The following TENM2 variants were observed in gnomAD, a reference collection of about 807,000 sequenced individuals.
TENM2 encodes teneurin-2.
TENM2 carries 52 observed loss-of-function variants against 245.2 expected under a neutral mutation model. The observed-to-expected ratio is 0.21, with a 90% confidence interval of 0.17 to 0.27. The LOEUF is 0.27. Among genes scored for constraint, TENM2 ranks in the 10% least tolerant of loss-of-function variants. TENM2 has a pLI of 1.00. For synonymous variants in TENM2, 1,363 were observed against 1,438.9 expected (o/e 0.95, Z 1.19); for missense variants, 3,046 against 3,666.8 (o/e 0.83, Z 4.37).
At chr5:167,078,161 C>T in the TENM2 span, among the ~76,000 whole-genome samples, 1 of 151,958 alleles carries the variant, frequency 6.6e-6, no homozygotes, top group Non-Finnish European at 1.5e-5. Flanking sequence ...GCATACCATA[C>T]TCAGGTCAAT....
rs146870236 is a variant in TENM2 at position 168,185,553 on chromosome 5, T to A, written c.2570-4784T>A. Among the ~76,000 whole-genome samples, 189 of 152,194 alleles carry A rather than the reference T, an allele frequency of 1.2e-3. 2 individuals carry two copies. The highest frequency in any genetic ancestry group is 4.3e-3 in the African/African-American group (180 of 41,528). ...CCCATGGTCAACAGCTAGGTAATAG[T>A]CAATCTGAGATTCAAACCCAGATAC... is the stretch of plus-strand genomic sequence containing the variant. On this transcript the variant is annotated intron_variant, in intron 13 of 28. Transcript: ENST00000518659.
intron 5 of TENM2, among the ~76,000 whole-genome samples, chr5:168,011,102 T>C (rs1785185041): frequency 6.6e-6 from 1 of 152,242 alleles, no homozygotes; most frequent in South Asian, 2.1e-4. Context: ...GCAGTCCGGA[T>C]AGAGTAATAA....
At chr5:168,139,724 C>T (rs1562206385) in intron 12 of TENM2, among the ~76,000 whole-genome samples, 1 of 152,166 alleles carries the variant, frequency 6.6e-6, no homozygotes, top group African/African-American at 2.4e-5. Flanking sequence ...AAAGTGGGTG[C>T]ATTCAACAGG....
the TENM2 span, among the ~76,000 whole-genome samples, chr5:167,003,684 G>A: frequency 6.6e-6 from 1 of 152,246 alleles, no homozygotes; most frequent in African/African-American, 2.4e-5. Flanking sequence ...ATTTGAAGAT[G>A]TGTATAATTA....
At chr5:167,688,098 G>T (rs1337388345) in intron 2 of TENM2, among the ~76,000 whole-genome samples, 2 of 152,120 alleles carry the variant, frequency 1.3e-5, no homozygotes, top group Non-Finnish European at 2.9e-5. Flanking sequence ...CTGAGGGAGG[G>T]ATCAGTCAAG....
intron 3 of TENM2, among the ~76,000 whole-genome samples, chr5:167,878,458 A>G (rs1026157990): frequency 2.0e-5 from 3 of 152,140 alleles, no homozygotes; most frequent in Non-Finnish European, 2.9e-5. Context: ...TTCAGCAGGT[A>G]CTTATTATCA....
intron 12 of TENM2, among the ~76,000 whole-genome samples, chr5:168,158,807 A>ATG (rs371329253): frequency 0.011 from 922 of 80,390 alleles, 21 homozygotes; most frequent in African/African-American, 0.035. Context: ...TAAAAAAAAA[A>ATG]TGTGTGTGTG....
intron 5 of TENM2, among the ~76,000 whole-genome samples, chr5:168,033,453 AT>A (rs926512057): frequency 2.0e-5 from 3 of 151,198 alleles, no homozygotes; most frequent in South Asian, 2.1e-4. Context: ...CTCAAAGGTG[AT>A]TTTTTTTTAA....
At chr5:167,614,993 G>A (rs1777702028) in intron 2 of TENM2, among the ~76,000 whole-genome samples, 2 of 152,210 alleles carry the variant, frequency 1.3e-5, no homozygotes, top group South Asian at 4.1e-4. Context: ...ATCTCACTGT[G>A]GGGGTTTGGC....
chr5:167,006,046 T>G, the TENM2 span, among the ~76,000 whole-genome samples: 4 of 152,104 alleles, frequency 2.6e-5, no homozygotes, highest in Non-Finnish European at 5.9e-5. Flanking sequence ...AGGATGTAAA[T>G]GAAGACCTTT....
chr5:168,120,628 A>G (rs1040204968), intron 10 of TENM2, among the ~76,000 whole-genome samples: 4 of 152,218 alleles, frequency 2.6e-5, no homozygotes, highest in African/African-American at 9.6e-5. Flanking sequence ...CAACCAAACA[A>G]GCCACGTGAA....
At chr5:167,671,898 A>T (rs1755970968) in intron 2 of TENM2, among the ~76,000 whole-genome samples, 1 of 151,910 alleles carries the variant, frequency 6.6e-6, no homozygotes, top group African/African-American at 2.4e-5. Flanking sequence ...GGCTATAAAC[A>T]TTTCAATAGT....
intron 2 of TENM2, among the ~76,000 whole-genome samples, chr5:167,377,882 C>T (rs1561907724): frequency 1.3e-5 from 2 of 152,178 alleles, no homozygotes. Context: ...TGGCTTCCTC[C>T]ATAATAAACA....
the TENM2 span, among the ~76,000 whole-genome samples, chr5:167,119,294 G>A: frequency 3.9e-5 from 6 of 152,278 alleles, no homozygotes; most frequent in East Asian, 1.9e-4. Flanking sequence ...CACTTTCTAC[G>A]TGGTGGTGAT....
At chr5:167,758,602 C>G (rs540304878) in intron 2 of TENM2, among the ~76,000 whole-genome samples, 2 of 152,282 alleles carry the variant, frequency 1.3e-5, no homozygotes, top group East Asian at 1.9e-4. Flanking sequence ...TTCTTCTAAT[C>G]ACTTCCACTT....
intron 27 of TENM2, among the ~76,000 whole-genome samples, chr5:168,256,253 T>TGTGTATATATGTGTATA (rs1562344818): frequency 6.6e-6 from 1 of 151,694 alleles, no homozygotes; most frequent in African/African-American, 2.4e-5. Flanking sequence ...TGTATATATA[T>TGTGTATATATGTGTATA]TTTTAGCAAC....
chr5:168,131,982 A>C (rs1365525156), intron 12 of TENM2, among the ~76,000 whole-genome samples: 1 of 152,140 alleles, frequency 6.6e-6, no homozygotes, highest in Admixed American at 6.6e-5. Context: ...ATTATGGATA[A>C]ACTTTTAACA....
At chr5:168,095,285 G>A (rs1793272078) in intron 8 of TENM2, among the ~76,000 whole-genome samples, 1 of 152,084 alleles carries the variant, frequency 6.6e-6, no homozygotes, top group South Asian at 2.1e-4. Flanking sequence ...TCTCTGCCTG[G>A]ATCTCTCCAA....
intron 1 of TENM2, among the ~76,000 whole-genome samples, chr5:167,338,566 A>G (rs956543894): frequency 6.6e-6 from 1 of 152,166 alleles, no homozygotes; most frequent in Non-Finnish European, 1.5e-5. Context: ...TCATTGGCTA[A>G]AATATATCAC....
Sources: gnomAD v4.1 joint callset for allele counts (sites outside exome capture counted in the v4.1 genomes callset) on GRCh38, gnomAD v4.1.1 for gene constraint, MANE v1.5 for transcripts, NCBI Gene and HGNC (gene_info 2026-07-23, HGNC 2026-07-21) for gene names.